The following CDH12 variants were observed in gnomAD, a reference collection of about 807,000 sequenced individuals.
CDH12 encodes the protein cadherin 12.
Under a neutral mutation model 74.1 loss-of-function variants are expected in CDH12, and 41 were observed. The ratio of observed to expected loss-of-function variants is 0.55; its 90% CI spans 0.43 to 0.72. The LOEUF (loss-of-function observed/expected upper bound fraction) is 0.72, where lower values mean the gene tolerates loss of function less well. CDH12 is among the 30% of genes least tolerant of loss of function. CDH12 has a pLI of 0.00. For synonymous variants in CDH12, 399 were observed against 355.0 expected (o/e 1.12, Z -1.39); for missense variants, 945 against 977.2 (o/e 0.97, Z 0.44).
At chr5:22,756,791 C>G (rs1355804736) in intron 1 of CDH12, among the ~76,000 whole-genome samples, 40 of 151,966 alleles carry the variant, frequency 2.6e-4, no homozygotes, top group Admixed American at 2.6e-3. Flanking sequence ...GAAACCCCGT[C>G]TCTACTAAAA....
chr5:22,422,095 C>T (rs546760997), intron 2 of CDH12, among the ~76,000 whole-genome samples: 1 of 152,242 alleles, frequency 6.6e-6, no homozygotes. Context: ...ATGGCCATGG[C>T]CAGAGCTTCT....
At chr5:22,502,222 C>A (rs1237952259) in intron 2 of CDH12, among the ~76,000 whole-genome samples, 2 of 152,010 alleles carry the variant, frequency 1.3e-5, no homozygotes, top group Middle Eastern at 3.4e-3. Context: ...TGGGTCTTTC[C>A]CATGCTGTTG....
At chr5:22,502,055 T>C (rs890474975) in intron 2 of CDH12, among the ~76,000 whole-genome samples, 3 of 152,178 alleles carry the variant, frequency 2.0e-5, no homozygotes, top group Non-Finnish European at 4.4e-5. Flanking sequence ...GTCGACACTC[T>C]TTGCATCCTC....
In CDH12 at chr5:22,128,728, T is replaced by C. The variant is rs2150284502; in HGVS notation, c.-186-49866A>G. Among the ~76,000 whole-genome samples, 3 of 152,290 alleles carry C rather than the reference T, an allele frequency of 2.0e-5. No homozygotes were observed. The Middle Eastern group carries it at 0.01, about 522-fold the overall frequency. On this transcript the variant is annotated intron_variant, in intron 4 of 14. Coordinates refer to ENST00000382254, the MANE Select transcript of CDH12 (RefSeq NM_004061.5). ...TCTTCTCCCCCACTGAGAAGTACAGTCTTCAAAAATTAGTCCAGGTATTAG... is the reference window on the plus strand; with the variant it reads ...TCTTCTCCCCCACTGAGAAGTACAGCCTTCAAAAATTAGTCCAGGTATTAG...
chr5:22,608,098 C>A (rs1194664208), intron 1 of CDH12, among the ~76,000 whole-genome samples: 1 of 152,144 alleles, frequency 6.6e-6, no homozygotes, highest in Non-Finnish European at 1.5e-5. Context: ...CTCCAGACCC[C>A]AGAATGGTAG....
intron 4 of CDH12, among the ~76,000 whole-genome samples, chr5:22,084,133 C>T (rs1428172953): frequency 6.6e-6 from 1 of 152,066 alleles, no homozygotes; most frequent in Non-Finnish European, 1.5e-5. Flanking sequence ...AGTGCTCCAA[C>T]AGCCCATCAA....
At chr5:21,962,334 C>T (rs1311753482) in intron 6 of CDH12, among the ~76,000 whole-genome samples, 1 of 152,136 alleles carries the variant, frequency 6.6e-6, no homozygotes, top group Non-Finnish European at 1.5e-5. Context: ...TATTTGTCTG[C>T]TTTTCAGATG....
At chr5:22,447,232 A>G (rs1434025175) in intron 2 of CDH12, among the ~76,000 whole-genome samples, 1 of 152,052 alleles carries the variant, frequency 6.6e-6, no homozygotes, top group Non-Finnish European at 1.5e-5. Flanking sequence ...ATTGTATTCA[A>G]TTTGCACCAG....
chr5:21,882,644 C>T (rs895473344), intron 6 of CDH12: 3 of 1,605,450 alleles, frequency 1.9e-6, no homozygotes, highest in Admixed American at 3.3e-5. Flanking sequence ...GGTACTGGCT[C>T]CTCATCTCAC....
At chr5:21,962,059 C>T (rs1157376924) in intron 6 of CDH12, among the ~76,000 whole-genome samples, 2 of 152,074 alleles carry the variant, frequency 1.3e-5, no homozygotes, top group Non-Finnish European at 2.9e-5. Flanking sequence ...TTTAATTATG[C>T]TATTGGCTTT....
intron 3 of CDH12, among the ~76,000 whole-genome samples, chr5:22,310,476 T>A (rs1323257913): frequency 5.7e-5 from 7 of 122,998 alleles, no homozygotes; most frequent in Non-Finnish European, 9.2e-5. Flanking sequence ...AAAAAAAAAA[T>A]GGCAATGGCA....
chr5:22,739,899 G>A (rs2129612), intron 1 of CDH12, among the ~76,000 whole-genome samples: 45,592 of 151,724 alleles, frequency 0.3, 7,000 homozygotes, highest in South Asian at 0.35. Flanking sequence ...TAGCTTCCAG[G>A]TATATAAAAT....
In CDH12 at chr5:22,279,099, CATT is replaced by C. The variant is rs138371093; in HGVS notation, c.-332-66459_-332-66457del. Among the ~76,000 whole-genome samples the C allele has an allele frequency of 7.2e-3, 1,103 of 152,146 alleles. 16 individuals carry two copies. Among genetic ancestry groups the C allele is most frequent in the African/African-American group, 0.026 (1,060 of 41,532 alleles). On this transcript the variant is annotated intron_variant, in intron 3 of 14. Coordinates refer to ENST00000382254, the MANE Select transcript of CDH12 (RefSeq NM_004061.5). ...ATATTTACTCATTTTCCATACATAT[CATT>C]ATTTTTCTATACTGAAACATTCATA...
At chr5:22,162,346 A>C (rs2150319941) in intron 4 of CDH12, among the ~76,000 whole-genome samples, 1 of 152,246 alleles carries the variant, frequency 6.6e-6, no homozygotes, top group East Asian at 1.9e-4. Context: ...ACTGCCCTCC[A>C]GACTCATTAT....
At chr5:22,427,357 G>A (rs1296002624) in intron 2 of CDH12, among the ~76,000 whole-genome samples, 1 of 151,936 alleles carries the variant, frequency 6.6e-6, no homozygotes, top group Non-Finnish European at 1.5e-5. Context: ...TAGTAGAGAC[G>A]GGGTTTCACC....
intron 1 of CDH12, among the ~76,000 whole-genome samples, chr5:22,705,116 C>CATATAT (rs71609776): frequency 0.054 from 6,765 of 125,752 alleles, 362 homozygotes; most frequent in East Asian, 0.14. Context: ...CCCACCCAGT[C>CATATAT]ATATATATAT....
intron 6 of CDH12, chr5:21,889,810 A>T (rs968164207): frequency 2.6e-5 from 26 of 985,196 alleles, no homozygotes; most frequent in Non-Finnish European, 3.0e-5. Context: ...CTCAATATAG[A>T]TGATGAAGAA....
intron 6 of CDH12, among the ~76,000 whole-genome samples, chr5:21,905,933 G>A (rs1228034837): frequency 6.6e-6 from 1 of 152,014 alleles, no homozygotes; most frequent in Non-Finnish European, 1.5e-5. Flanking sequence ...TAAATTCATG[G>A]TGTCTAGAAC....
chr5:22,511,175 G>C (rs561606839), intron 1 of CDH12, among the ~76,000 whole-genome samples: 1 of 152,100 alleles, frequency 6.6e-6, no homozygotes, highest in Admixed American at 6.6e-5. Flanking sequence ...GATTAGAGGC[G>C]TGAGCCACCA....
Sources: gnomAD v4.1 joint callset for allele counts (sites outside exome capture counted in the v4.1 genomes callset) on GRCh38, gnomAD v4.1.1 for gene constraint, MANE v1.5 for transcripts, NCBI Gene and HGNC (gene_info 2026-07-23, HGNC 2026-07-21) for gene names.